Variants in TNS1 observed in about 807,000 individuals in gnomAD.
The protein encoded by TNS1 is tensin 1, also known as tensin-1.
Under a neutral mutation model 168.6 loss-of-function variants are expected in TNS1, and 62 were observed. The observed-to-expected ratio is 0.37, with a 90% CI of 0.30 to 0.45. TNS1 has a LOEUF of 0.45. Ranked by LOEUF, TNS1 falls within the 20% of genes least tolerant of loss-of-function variation. The pLI, the probability that TNS1 is intolerant of heterozygous loss-of-function variation, is 1.00. For missense variants in TNS1, 2,240 were observed against 2,339.4 expected, an observed-to-expected ratio of 0.96 and a Z score of 0.88; for synonymous variants, 934 against 933.2, an observed-to-expected ratio of 1.00 and a Z score of -0.02.
chr2:217,934,108 C>T (rs1956473423), intron 3 of TNS1, among the ~76,000 whole-genome samples: 1 of 152,152 alleles, frequency 6.6e-6, no homozygotes, highest in African/African-American at 2.4e-5. Flanking sequence ...ATGTGTTGGC[C>T]AAGGTCACAC....
At chr2:217,807,765 C>T (rs561226841) in intron 32 of TNS1, among the ~76,000 whole-genome samples, 16 of 152,358 alleles carry the variant, frequency 1.1e-4, no homozygotes, top group Admixed American at 9.8e-4. Flanking sequence ...ATCATGTAAG[C>T]AATCTCTGAC....
chr2:217,829,700 C>T (rs1462009449), intron 22 of TNS1: 52 of 902,620 alleles, frequency 5.8e-5, no homozygotes, highest in South Asian at 4.6e-4. Flanking sequence ...CATCACCAAG[C>T]GTTGGGGGAC....
At chr2:217,874,391 T>G (rs1270614393) in intron 18 of TNS1, among the ~76,000 whole-genome samples, 2 of 152,256 alleles carry the variant, frequency 1.3e-5, no homozygotes, top group African/African-American at 2.4e-5. Context: ...TGCTCTCATC[T>G]CAAGGTCATC....
In TNS1 at chr2:217,953,444, T is replaced by TA. The variant is rs528264880; in HGVS notation, c.186+25320dup. Reference sequence around the variant, plus strand: ...AGCCAATCGGCCATTAACTGCAAATTAAAAAAATAAAAAGAAAGAAAGAAA... The same window carrying TA: ...AGCCAATCGGCCATTAACTGCAAATTAAAAAAAATAAAAAGAAAGAAAGAAA... On this transcript the variant is annotated intron_variant, in intron 3 of 32. Transcript: ENST00000682258. Among the ~76,000 whole-genome samples the TA allele has an allele frequency of 4.6e-5, 7 of 152,296 alleles. No homozygotes were observed. The South Asian group carries it at 1.2e-3, about 27-fold the overall frequency.
upstream of TNS1, among the ~76,000 whole-genome samples, chr2:218,014,507 T>C (rs114571070): frequency 0.032 from 4,937 of 152,192 alleles, 244 homozygotes; most frequent in African/African-American, 0.11. Flanking sequence ...ACCCAGCCTC[T>C]CTCCATACAA....
At position 217,885,791 on chromosome 2, in the gene TNS1, C is replaced by G; in HGVS notation, c.1069G>C (p.Val357Leu). Residue 357 changes from valine to leucine, a missense_variant, in exon 15 of 33, where the codon GTC becomes CTC. By Grantham distance (32) the Val-to-Leu change is conservative. This residue lies in a region of TNS1 where 2,131 missense variants were observed against 2,171.2 expected (regional missense o/e 0.98). Coordinates refer to ENST00000682258, the MANE Select transcript of TNS1 (RefSeq NM_001387777.1). ...YNIPGDSQTS[V>L]CITIEPGLLL... ...AGTCCTGGCTCGATGGTGATGCAGA[C>G]GCTAGTCTGGCTGTCTCCTGGGATG... is the stretch of plus-strand genomic sequence containing the variant. The G allele has an allele frequency of 6.2e-6, 10 of 1,614,134 alleles. No homozygotes were observed. The highest frequency in any genetic ancestry group is 8.5e-6 in the Non-Finnish European group (10 of 1,180,036).
chr2:217,819,085 C>T (rs1405030718), intron 23 of TNS1, among the ~76,000 whole-genome samples: 1 of 152,234 alleles, frequency 6.6e-6, no homozygotes, highest in Non-Finnish European at 1.5e-5. Context: ...AGAGCCCTCT[C>T]CTATCGAAAC....
intron 18 of TNS1, among the ~76,000 whole-genome samples, chr2:217,877,815 G>A (rs1007639915): frequency 6.6e-6 from 1 of 152,162 alleles, no homozygotes; most frequent in African/African-American, 2.4e-5. Flanking sequence ...GCCAGGAGAG[G>A]GCAAGGTGGG....
chr2:217,962,075 C>T lies in TNS1; in HGVS notation c.186+16690G>A, dbSNP rs145818320. On this transcript the variant is annotated intron_variant, in intron 3 of 32. Coordinates refer to ENST00000682258, the MANE Select transcript of TNS1 (RefSeq NM_001387777.1). ...AGGCCCCACAATTGTGTAAGCCAAT[C>T]CCTTACAATAAATTTCTTAATATGG... Among the ~76,000 whole-genome samples, 33 of 152,324 alleles carry T rather than the reference C, an allele frequency of 2.2e-4. No individual in the cohort carries two copies. The East Asian group carries it at 3.7e-3, about 17-fold the overall frequency.
chr2:218,015,818 T>C (rs1261150406), intron 1 of TNS1, among the ~76,000 whole-genome samples: 1 of 151,968 alleles, frequency 6.6e-6, no homozygotes, highest in Non-Finnish European at 1.5e-5. Context: ...GGCCAGAGCA[T>C]CTGGGGATGG....
At chr2:217,957,106 G>C (rs1355991725) in intron 3 of TNS1, among the ~76,000 whole-genome samples, 3 of 152,178 alleles carry the variant, frequency 2.0e-5, no homozygotes, top group African/African-American at 7.2e-5. Context: ...TGGAAGACGG[G>C]GTGTGTTCCC....
Position 217,817,944 on chromosome 2 carries a change from T to A in TNS1, c.4388A>T (p.Tyr1463Phe). 6.2e-7 allele frequency: 1 copy of A among 1,611,166 alleles called. No homozygotes were observed. Among genetic ancestry groups the A allele is most frequent in the Non-Finnish European group, 8.5e-7 (1 of 1,178,648 alleles). Residue 1463 changes from tyrosine to phenylalanine, a missense_variant, in exon 24 of 33, where the codon TAC becomes TTC. By Grantham distance (22) the Tyr-to-Phe change is conservative. This residue lies in a region of TNS1 where 2,131 missense variants were observed against 2,171.2 expected (regional missense o/e 0.98). Coordinates refer to ENST00000682258, the MANE Select transcript of TNS1 (RefSeq NM_001387777.1). ...STPSFPVSPA[Y>F]YPGLSSPATS... The stretch of plus-strand genomic sequence containing the variant: ...GGCAGGGCTGCTCAGGCCAGGGTAG[T>A]AGGCAGGGGAGACAGGGAAGGAGGG...
chr2:217,866,533 ACCAGGCTG>A (rs961951216), intron 18 of TNS1, among the ~76,000 whole-genome samples: 2 of 152,208 alleles, frequency 1.3e-5, no homozygotes, highest in African/African-American at 4.8e-5. Flanking sequence ...GTAAACACAC[ACCAGGCTG>A]CAGAGGTTCC....
chr2:217,848,337 T>C lies in TNS1; in HGVS notation c.2180A>G (p.Gln727Arg). 1 of 1,538,746 alleles carries C rather than the reference T, an allele frequency of 6.5e-7. No individual in the cohort carries two copies. The highest frequency in any genetic ancestry group is 2.3e-5 in the East Asian group (1 of 44,132). ...QREGPHPAWP[Q>R]PVTTSHYAHD... ...GGCATAGTGGGAGGTGGTCACTGGC[T>C]GTGGCCAGGCTGGGTGGGGCCCCTC... Residue 727 changes from glutamine (Q) to arginine (R), a missense_variant, in exon 19 of 33, where the codon CAG (glutamine) becomes CGG (arginine). Physicochemically the swap from Gln to Arg is conservative, Grantham distance 43. This residue lies in a region of TNS1 where 2,131 missense variants were observed against 2,171.2 expected (regional missense o/e 0.98). Coordinates refer to ENST00000682258, the MANE Select transcript of TNS1 (RefSeq NM_001387777.1).
intron 3 of TNS1, among the ~76,000 whole-genome samples, chr2:217,973,389 A>C (rs1334004657): frequency 6.6e-6 from 1 of 150,732 alleles, no homozygotes; most frequent in Admixed American, 6.6e-5. Context: ...AAAAAAAAAA[A>C]ATTGGAAGAC....
At position 218,029,004 on chromosome 2, in the gene TNS1, G is replaced by C. The variant is rs567451275; in HGVS notation, c.156+4816C>G. ...CCCTGGGCAAGTTCATACATCAAAC[G>C]AGGAGGCAGTGGCTGGCTTCTTTCC... On this transcript the variant is annotated intron_variant, in intron 1 of 1. Transcript: ENST00000649572. Among the ~76,000 whole-genome samples, 13 of 152,292 alleles carry C rather than the reference G, an allele frequency of 8.5e-5. No homozygotes were observed. The East Asian group carries it at 2.1e-3, about 25-fold the overall frequency.
In TNS1 at chr2:217,886,120, G is replaced by GT. The variant is rs1174589100; in HGVS notation, c.980-17_980-16insA. On this transcript the variant is annotated splice_polypyrimidine_tract_variant and intron_variant, in intron 13 of 32. Coordinates refer to ENST00000682258, the MANE Select transcript of TNS1 (RefSeq NM_001387777.1). ...GGCCGACATCCTGTAAAAGTGGGGT[G>GT]GGTGTTAGCTAAGACAGCAGAAACT... 1.9e-6 allele frequency: 3 copies of GT among 1,613,792 alleles called. No homozygotes were observed. The Admixed American group carries it at 5.0e-5, about 27-fold the overall frequency.
At chr2:217,821,991 T>G in intron 22 of TNS1, 53 bp from the exon 23 acceptor site, 1 of 1,506,066 alleles carries the variant, frequency 6.6e-7, no homozygotes. Context: ...AGGGGTGCAG[T>G]GCAGGTCCCC....
At position 217,899,277 on chromosome 2, in the gene TNS1, C is replaced by T. The variant is rs190779774; in HGVS notation, c.371+1186G>A. On this transcript the variant is annotated intron_variant, in intron 7 of 32. Coordinates refer to ENST00000682258, the MANE Select transcript of TNS1 (RefSeq NM_001387777.1). ...GACCAGCACCCAGAGGTAAGGAGCC[C>T]GGTTTGAGTTTGACTCTGAGTCCCA... Among the ~76,000 whole-genome samples the T allele has an allele frequency of 2.8e-3, 422 of 152,206 alleles. 1 individual carries two copies. The highest frequency in any genetic ancestry group is 8.7e-3 in the African/African-American group (362 of 41,522).
Sources: gnomAD v4.1 joint callset for allele counts (sites outside exome capture counted in the v4.1 genomes callset) on GRCh38, gnomAD v4.1.1 for gene constraint, gnomAD v4.1.1 regional missense constraint, MANE v1.5 for transcripts, NCBI Gene and HGNC (gene_info 2026-07-23, HGNC 2026-07-21) for gene names.